The following UGGT2 variants were observed in gnomAD, a reference collection of about 807,000 sequenced individuals.
The protein encoded by UGGT2 is UDP-glucose glycoprotein glucosyltransferase 2, also known as UDP-glucose:glycoprotein glucosyltransferase 2.
UGGT2 carries 180 observed loss-of-function variants against 192.1 expected under a neutral mutation model. The ratio of observed to expected loss-of-function variants is 0.94; its 90% CI spans 0.83 to 1.06. The LOEUF (loss-of-function observed/expected upper bound fraction) is 1.06. Among genes scored for constraint, UGGT2 ranks in the 50% least tolerant of loss-of-function variants. The pLI, the probability that UGGT2 is intolerant of heterozygous loss-of-function variation, is 0.00. For synonymous variants in UGGT2, 580 were observed against 591.0 expected, an observed-to-expected ratio of 0.98 and a Z score of 0.27; for missense variants, 1,849 against 1,795.7, an observed-to-expected ratio of 1.03 and a Z score of -0.54.
chr13:95,824,278 C>A lies in UGGT2; in HGVS notation c.4528+8649G>T, dbSNP rs1396926763. On this transcript the variant is annotated intron_variant, in intron 38 of 38. Coordinates refer to ENST00000376747, the MANE Select transcript of UGGT2 (RefSeq NM_020121.4). ...GACAACTGTGTGCTTCGGTGATGAT[C>A]TTTTCATAATGAAATTTCCGAGGAG... Among the ~76,000 whole-genome samples the A allele has an allele frequency of 2.8e-5, 4 of 141,574 alleles. No homozygotes were observed. In the East Asian group the frequency reaches 7.9e-4, roughly 28 times the overall value. 92.9% of individuals were successfully genotyped at this position (141,574 alleles called of 152,430 possible). A position where few individuals can be genotyped will look rare whatever the true frequency, so the allele number is the denominator to read the frequency against.
In UGGT2 at chr13:95,822,807, C is replaced by T. The variant is rs149346259; in HGVS notation, c.4528+10120G>A. On this transcript the variant is annotated intron_variant, in intron 38 of 38. Coordinates refer to ENST00000376747, the MANE Select transcript of UGGT2 (RefSeq NM_020121.4). ...TTTGTTTCAATTTCATTTAGTTCTG[C>T]TCTGATCTTTGTGATTTCTTTTCTT... Among the ~76,000 whole-genome samples the T allele has an allele frequency of 3.6e-3, 540 of 151,982 alleles. 6 individuals carry two copies. The highest frequency in any genetic ancestry group is 0.012 in the African/African-American group (510 of 41,504).
intron 1 of UGGT2, among the ~76,000 whole-genome samples, chr13:96,044,481 T>C (rs901838044): frequency 2.6e-5 from 4 of 151,792 alleles, no homozygotes; most frequent in East Asian, 1.9e-4. Context: ...CCAATCCCAG[T>C]AGAAGTGAAA....
intron 32 of UGGT2, 45 bp from the exon 33 acceptor site, chr13:95,859,720 G>A (rs763542630): frequency 6.6e-6 from 9 of 1,354,262 alleles, no homozygotes; most frequent in African/African-American, 4.5e-5. Context: ...ACAGTAACAG[G>A]AGCTCATATA....
chr13:95,861,770 T>C (rs2140086786), intron 31 of UGGT2, among the ~76,000 whole-genome samples: 1 of 151,940 alleles, frequency 6.6e-6, no homozygotes, highest in East Asian at 1.9e-4. Flanking sequence ...TCAAATCTTG[T>C]AATCTCCCAA....
At chr13:96,041,117 T>C (rs1022535922) in intron 1 of UGGT2, among the ~76,000 whole-genome samples, 1 of 152,094 alleles carries the variant, frequency 6.6e-6, no homozygotes, top group Non-Finnish European at 1.5e-5. Context: ...ACAGACCCTC[T>C]GAAGGAAATG....
Position 96,017,956 on chromosome 13 carries a change from A to G in UGGT2, c.486-4475T>C, listed in dbSNP as rs190841700. On this transcript the variant is annotated intron_variant, in intron 4 of 38. Transcript: ENST00000376747. Reference sequence around the variant, plus strand: ...TTACAGTATCTCCAAAAATATTTACAAAGACTCAGATACAAAAATTCTTAA... The same window carrying G: ...TTACAGTATCTCCAAAAATATTTACGAAGACTCAGATACAAAAATTCTTAA... Among the ~76,000 whole-genome samples the G allele has an allele frequency of 9.7e-4, 148 of 152,318 alleles. 1 individual carries two copies. In the South Asian group the frequency reaches 0.014, roughly 14 times the overall value.
At chr13:95,823,283 A>G (rs1885682330) in intron 38 of UGGT2, among the ~76,000 whole-genome samples, 1 of 152,100 alleles carries the variant, frequency 6.6e-6, no homozygotes, top group Non-Finnish European at 1.5e-5. Context: ...AACTTCTGCT[A>G]AGTCCATTTG....
intron 31 of UGGT2, among the ~76,000 whole-genome samples, chr13:95,862,490 G>C (rs949808972): frequency 8.6e-5 from 13 of 152,020 alleles, no homozygotes; most frequent in African/African-American, 3.1e-4. Context: ...TGGTATTTTG[G>C]GGGGAATCAT....
At chr13:95,930,655 T>C (rs1332497405) in intron 17 of UGGT2, among the ~76,000 whole-genome samples, 3 of 152,254 alleles carry the variant, frequency 2.0e-5, no homozygotes, top group Non-Finnish European at 4.4e-5. Context: ...CTCTGGTTAC[T>C]GTAGCCTCAT....
intron 8 of UGGT2, among the ~76,000 whole-genome samples, chr13:95,988,071 G>A (rs146278548): frequency 7.9e-5 from 12 of 151,948 alleles, no homozygotes; most frequent in East Asian, 3.9e-4. Context: ...CAGCTCTCTC[G>A]ACACACTCTC....
intron 17 of UGGT2, among the ~76,000 whole-genome samples, chr13:95,936,098 G>T (rs1371088433): frequency 6.6e-6 from 1 of 152,192 alleles, no homozygotes; most frequent in East Asian, 1.9e-4. Context: ...AAAGAGGTGG[G>T]ATTACAGGTA....
Position 95,870,118 on chromosome 13 carries a change from G to A in UGGT2, c.3474-2695C>T, listed in dbSNP as rs181596623. 1.6e-4 allele frequency among the ~76,000 whole-genome samples: 24 copies of A among 152,114 alleles called. No homozygotes were observed. In the East Asian group the frequency reaches 3.3e-3, roughly 21 times the overall value. ...TACTTAGGAAAGTTATAATTCATACGGAACTGCAAAAGAAATTTTTAAACC... is the reference window on the plus strand; with the variant it reads ...TACTTAGGAAAGTTATAATTCATACAGAACTGCAAAAGAAATTTTTAAACC... On this transcript the variant is annotated intron_variant, in intron 29 of 38. Transcript: ENST00000376747.
At chr13:95,877,531 T>TA (rs1728486410) in intron 28 of UGGT2, 167 bp from the exon 29 acceptor site, 1 of 1,030,500 alleles carries the variant, frequency 9.7e-7, no homozygotes, top group Non-Finnish European at 1.4e-6. Context: ...CAAAAATTAT[T>TA]AAAGTATGAT....
intron 33 of UGGT2, among the ~76,000 whole-genome samples, chr13:95,857,578 C>T (rs1889741146): frequency 1.3e-5 from 2 of 152,212 alleles, no homozygotes; most frequent in East Asian, 3.9e-4. Context: ...AGGAACAAAT[C>T]TAAAGTAGCT....
chr13:95,888,817 CTT>C (rs61412956), intron 25 of UGGT2, among the ~76,000 whole-genome samples: 6 of 145,026 alleles, frequency 4.1e-5, no homozygotes, highest in Admixed American at 2.8e-4. Flanking sequence ...TGTATAATTC[CTT>C]TTTTTTTTTT....
intron 20 of UGGT2, among the ~76,000 whole-genome samples, chr13:95,910,362 C>T (rs1273852008): frequency 2.0e-5 from 3 of 152,060 alleles, no homozygotes; most frequent in Non-Finnish European, 2.9e-5. Context: ...TGTGCAGAGA[C>T]ACACATAGGC....
At chr13:96,047,605 G>C (rs949335434) in intron 1 of UGGT2, among the ~76,000 whole-genome samples, 10 of 152,124 alleles carry the variant, frequency 6.6e-5, no homozygotes, top group African/African-American at 2.4e-4. Flanking sequence ...ATGTGAGAGA[G>C]ACACACATAG....
chr13:96,033,428 G>A (rs569198205), intron 1 of UGGT2, among the ~76,000 whole-genome samples: 36 of 152,180 alleles, frequency 2.4e-4, no homozygotes, highest in African/African-American at 3.9e-4. Context: ...GCAGCTGTCC[G>A]GACCCGGACA....
chr13:96,017,573 C>G (rs1457224652), intron 4 of UGGT2, among the ~76,000 whole-genome samples: 1 of 152,156 alleles, frequency 6.6e-6, no homozygotes, highest in African/African-American at 2.4e-5. Flanking sequence ...AACAGCCTAA[C>G]ACATAAAATC....
Sources: allele counts gnomAD v4.1 joint callset (sites outside exome capture counted in the v4.1 genomes callset), GRCh38; gene constraint gnomAD v4.1.1; transcripts MANE v1.5; gene names NCBI Gene and HGNC (gene_info 2026-07-23, HGNC 2026-07-21).